DPF3: variants seen among roughly 807,000 people sequenced by gnomAD.
DPF3 encodes the protein double PHD fingers 3, also known as zinc finger protein DPF3.
Under a neutral mutation model 56.8 loss-of-function variants are expected in DPF3, and 18 were observed. That is an observed-to-expected ratio of 0.32 (90% CI 0.22 to 0.47). The LOEUF is 0.47. Ranked by LOEUF, DPF3 falls within the 20% of genes least tolerant of loss-of-function variation. The pLI, the probability that DPF3 is intolerant of heterozygous loss-of-function variation, is 1.00. For missense variants in DPF3, 403 were observed against 488.8 expected (o/e 0.82, Z 1.65); for synonymous variants, 188 against 180.2 (o/e 1.04, Z -0.35).
chr14:72,803,234 CCT>C (rs1195051655), intron 1 of DPF3, among the ~76,000 whole-genome samples: 1 of 152,208 alleles, frequency 6.6e-6, no homozygotes, highest in Non-Finnish European at 1.5e-5. Flanking sequence ...CCTGCCACTG[CCT>C]CTCTCTCAGG....
chr14:72,756,428 GT>G (rs1298133933), intron 2 of DPF3, among the ~76,000 whole-genome samples: 5 of 152,194 alleles, frequency 3.3e-5, no homozygotes, highest in Admixed American at 3.3e-4. Flanking sequence ...CATTGCACAA[GT>G]TCAGCAGGTG....
chr14:72,817,926 C>T (rs867390334), intron 1 of DPF3, among the ~76,000 whole-genome samples: 53 of 152,116 alleles, frequency 3.5e-4, no homozygotes, highest in African/African-American at 1.2e-3. Flanking sequence ...CAAAATGGAT[C>T]ACAGAATGAA....
chr14:72,643,513 G>A (rs1885622601), intron 8 of DPF3, among the ~76,000 whole-genome samples: 1 of 152,242 alleles, frequency 6.6e-6, no homozygotes, highest in Non-Finnish European at 1.5e-5. Context: ...GAGGCTGCAG[G>A]AAGTAGGTCA....
At chr14:72,702,309 C>A (rs1036461117) in intron 6 of DPF3, among the ~76,000 whole-genome samples, 1 of 152,138 alleles carries the variant, frequency 6.6e-6, no homozygotes, top group African/African-American at 2.4e-5. Flanking sequence ...GGGCCCTGCC[C>A]TGCCTGGGCA....
At chr14:72,831,426 A>C (rs1002241854) in intron 1 of DPF3, among the ~76,000 whole-genome samples, 16 of 152,194 alleles carry the variant, frequency 1.1e-4, no homozygotes, top group African/African-American at 3.9e-4. Flanking sequence ...GCTAACAATA[A>C]ATTTCTGGGG....
At chr14:72,871,118 G>A (rs983308434) in intron 1 of DPF3, among the ~76,000 whole-genome samples, 3 of 152,142 alleles carry the variant, frequency 2.0e-5, no homozygotes, top group Non-Finnish European at 1.5e-5. Flanking sequence ...TCACTATCAC[G>A]AGAATAGCCC....
intron 1 of DPF3, among the ~76,000 whole-genome samples, chr14:72,849,088 C>T (rs1853487691): frequency 6.6e-6 from 1 of 152,168 alleles, no homozygotes; most frequent in Non-Finnish European, 1.5e-5. Flanking sequence ...TCGTTAGTGA[C>T]AAAAGTAAAA....
At chr14:72,891,313 C>CTT (rs61587216) in intron 1 of DPF3, among the ~76,000 whole-genome samples, 1,890 of 144,068 alleles carry the variant, frequency 0.013, 16 homozygotes, top group South Asian at 0.032. Context: ...GTGGTGTTGG[C>CTT]TTTTTTTTTT....
intron 2 of DPF3, among the ~76,000 whole-genome samples, 178 bp from the exon 3 acceptor site, chr14:72,753,549 C>G (rs1412276049): frequency 3.3e-5 from 5 of 152,184 alleles, no homozygotes; most frequent in African/African-American, 1.2e-4. Flanking sequence ...TCATCTGACC[C>G]CAGGACCCTG....
intron 1 of DPF3, chr14:72,879,851 G>A (rs1302950477): frequency 6.5e-7 from 1 of 1,535,528 alleles, no homozygotes; most frequent in East Asian, 2.4e-5. Context: ...GCTCTTCCAG[G>A]TCTGTGAACC....
intron 2 of DPF3, among the ~76,000 whole-genome samples, chr14:72,768,933 CTGTGT>C (rs1411322497): frequency 2.0e-5 from 3 of 146,516 alleles, no homozygotes; most frequent in African/African-American, 7.6e-5. Context: ...GTGTGAGTGT[CTGTGT>C]GTGTGTGTGT....
At chr14:72,834,757 T>C (rs908763587) in intron 1 of DPF3, among the ~76,000 whole-genome samples, 1 of 152,218 alleles carries the variant, frequency 6.6e-6, no homozygotes, top group Admixed American at 6.5e-5. Flanking sequence ...AAAGTTTGTG[T>C]TAGCATTCTT....
intron 7 of DPF3, among the ~76,000 whole-genome samples, chr14:72,688,975 C>G (rs935039368): frequency 1.3e-4 from 20 of 152,070 alleles, no homozygotes; most frequent in Non-Finnish European, 2.1e-4. Flanking sequence ...ACAGGAAACA[C>G]AAGAAATGTA....
chr14:72,703,562 C>T (rs1888273196), intron 6 of DPF3, among the ~76,000 whole-genome samples: 2 of 152,194 alleles, frequency 1.3e-5, no homozygotes, highest in Non-Finnish European at 2.9e-5. Context: ...GGAATGTTTC[C>T]TGCCCTGCTG....
At chr14:72,853,469 C>CTTTTTT (rs11340682) in intron 1 of DPF3, 1 of 93,854 alleles carries the variant, frequency 1.1e-5, no homozygotes. Context: ...AGCTTGCTGC[C>CTTTTTT]TTTTTTTTTT....
chr14:72,834,298 A>C (rs1272387087), intron 1 of DPF3, among the ~76,000 whole-genome samples: 1 of 152,090 alleles, frequency 6.6e-6, no homozygotes, highest in African/African-American at 2.4e-5. Context: ...GGAGTTTGAG[A>C]CCAGCCTGGC....
intron 1 of DPF3, among the ~76,000 whole-genome samples, chr14:72,882,410 C>T (rs1425735286): frequency 6.6e-6 from 1 of 152,158 alleles, no homozygotes; most frequent in Non-Finnish European, 1.5e-5. Flanking sequence ...GTTAGAAGAA[C>T]AGGCCCTTCT....
intron 1 of DPF3, among the ~76,000 whole-genome samples, chr14:72,797,852 T>C (rs1892701962): frequency 6.6e-6 from 1 of 152,224 alleles, no homozygotes; most frequent in South Asian, 2.1e-4. Context: ...TTACCATTTC[T>C]ACGTCTATAA....
intron 8 of DPF3, among the ~76,000 whole-genome samples, chr14:72,656,542 A>T (rs1886066799): frequency 6.6e-6 from 1 of 152,242 alleles, no homozygotes; most frequent in African/African-American, 2.4e-5. Flanking sequence ...AAGAAAGATC[A>T]GGTAACCAAA....
Sources: allele counts gnomAD v4.1 joint callset (sites outside exome capture counted in the v4.1 genomes callset), GRCh38; gene constraint gnomAD v4.1.1; transcripts MANE v1.5; gene names NCBI Gene and HGNC (gene_info 2026-07-23, HGNC 2026-07-21).